ERGIC1: variants seen among roughly 807,000 people sequenced by gnomAD.
ERGIC1 encodes the protein endoplasmic reticulum-golgi intermediate compartment 1, also known as endoplasmic reticulum-Golgi intermediate compartment protein 1.
A neutral mutation model predicts 38.3 loss-of-function variants in ERGIC1; 19 were observed. The observed-to-expected ratio is 0.50, with a 90% CI of 0.35 to 0.73. The LOEUF (loss-of-function observed/expected upper bound fraction) is 0.73, where lower values mean the gene tolerates loss of function less well. Ranked by LOEUF, ERGIC1 falls within the 30% of genes least tolerant of loss-of-function variation. The pLI, the probability that ERGIC1 is intolerant of heterozygous loss-of-function variation, is 0.01. For missense variants in ERGIC1, 294 were observed against 389.2 expected, an observed-to-expected ratio of 0.76 and a Z score of 2.06; for synonymous variants, 124 against 157.6, an observed-to-expected ratio of 0.79 and a Z score of 1.60.
At chr5:172,878,521 G>A (rs895959417) in intron 1 of ERGIC1, among the ~76,000 whole-genome samples, 5 of 152,188 alleles carry the variant, frequency 3.3e-5, no homozygotes, top group Non-Finnish European at 7.3e-5. Flanking sequence ...GGCTTCGTGC[G>A]CAGTAAGCCC....
chr5:172,842,998 G>A (rs764900362), intron 1 of ERGIC1, among the ~76,000 whole-genome samples: 2 of 152,104 alleles, frequency 1.3e-5, no homozygotes. Context: ...ACAAAAATTA[G>A]CTGGGCATGG....
At chr5:172,861,166 G>A (rs1225032952) in intron 1 of ERGIC1, among the ~76,000 whole-genome samples, 1 of 152,198 alleles carries the variant, frequency 6.6e-6, no homozygotes. Context: ...CACCGCTGCT[G>A]CTGACACAGG....
At chr5:172,940,661 G>T (rs1763991440) in intron 9 of ERGIC1, among the ~76,000 whole-genome samples, 1 of 152,092 alleles carries the variant, frequency 6.6e-6, no homozygotes, top group Admixed American at 6.5e-5. Context: ...CCCTCCCATT[G>T]CGTGCTACTC....
At position 172,939,837 on chromosome 5, in the gene ERGIC1, A is replaced by G. The variant is rs552884741; in HGVS notation, c.765+4527A>G. ...AAAGGCCCTTGTCACAGGGCAGCAG[A>G]TGTGGGGATGACGCCAGCACTCAGA... On this transcript the variant is annotated intron_variant, in intron 9 of 9. Transcript: ENST00000393784. Among the ~76,000 whole-genome samples, 13 of 152,330 alleles carry G rather than the reference A, an allele frequency of 8.5e-5. No individual in the cohort carries two copies. In the East Asian group the frequency reaches 1.2e-3, roughly 14 times the overall value.
intron 1 of ERGIC1, among the ~76,000 whole-genome samples, chr5:172,879,926 G>T (rs962697210): frequency 6.6e-6 from 1 of 152,116 alleles, no homozygotes; most frequent in African/African-American, 2.4e-5. Context: ...ACCCAGCGAC[G>T]GCCCAAAAGA....
At chr5:172,859,599 G>C (rs1319127524) in intron 1 of ERGIC1, among the ~76,000 whole-genome samples, 1 of 152,250 alleles carries the variant, frequency 6.6e-6, no homozygotes, top group African/African-American at 2.4e-5. Flanking sequence ...GCTGCCGCAG[G>C]TGCCTGGTGC....
intron 1 of ERGIC1, among the ~76,000 whole-genome samples, chr5:172,858,052 T>C (rs1761599051): frequency 6.6e-6 from 1 of 152,178 alleles, no homozygotes; most frequent in Non-Finnish European, 1.5e-5. Flanking sequence ...GACATGTGAC[T>C]ATAAAGGAGA....
chr5:172,915,042 G>A, intron 5 of ERGIC1: 1 of 783,732 alleles, frequency 1.3e-6, no homozygotes. Flanking sequence ...AGCCCCTGAT[G>A]GCTGGTTCAG....
intron 2 of ERGIC1, among the ~76,000 whole-genome samples, chr5:172,894,132 CTTTTTTTT>C (rs781661227): frequency 1.9e-4 from 2 of 10,506 alleles, no homozygotes; most frequent in Admixed American, 1.1e-3. Context: ...GCTGATGATA[CTTTTTTTT>C]TTTTTTTTTT....
chr5:172,867,037 T>C lies in ERGIC1; in HGVS notation c.21-21662T>C, dbSNP rs1336134027. ...ATGGAGATGATGATGCAGATGGAGA[T>C]GATGCAGATGGAGATGATGCAGATG... is the stretch of plus-strand genomic sequence containing the variant. On this transcript the variant is annotated intron_variant, in intron 1 of 9. Transcript: ENST00000393784. The C allele has an allele frequency of 1.0e-5, 4 of 392,826 alleles. No homozygotes were observed. In the Admixed American group the frequency reaches 1.1e-4, roughly 11 times the overall value. 24.3% of individuals were successfully genotyped at this position (392,826 alleles called of 1,614,324 possible).
rs111226153 is a variant in ERGIC1 at position 172,865,346 on chromosome 5, G to A, written c.21-23353G>A. ...GCTGGGATTATAGGCGTGAGCCACC[G>A]CACCTGGCCTATAGAAAGAAATTCT... On this transcript the variant is annotated intron_variant, in intron 1 of 9. Coordinates refer to ENST00000393784, the MANE Select transcript of ERGIC1 (RefSeq NM_001031711.3). Among the ~76,000 whole-genome samples, 1,111 of 152,224 alleles carry A rather than the reference G, an allele frequency of 7.3e-3. 10 individuals are homozygous for A. Among genetic ancestry groups the A allele is most frequent in the African/African-American group, 0.025 (1,037 of 41,542 alleles).
intron 3 of ERGIC1, chr5:172,906,201 A>T: frequency 2.2e-6 from 1 of 455,608 alleles, no homozygotes; most frequent in Non-Finnish European, 4.4e-6. Context: ...CCCCTCTCCC[A>T]TCCTAAGGCT....
chr5:172,869,870 G>A (rs1219791810), intron 1 of ERGIC1, among the ~76,000 whole-genome samples: 2 of 152,280 alleles, frequency 1.3e-5, no homozygotes, highest in East Asian at 1.9e-4. Context: ...CCCAGAAAGT[G>A]TAGAGCAAAT....
chr5:172,913,134 A>G (rs1004857768), intron 4 of ERGIC1, among the ~76,000 whole-genome samples: 2 of 152,218 alleles, frequency 1.3e-5, no homozygotes, highest in African/African-American at 4.8e-5. Context: ...CACAGAGATT[A>G]GGTAACCTGC....
At chr5:172,848,217 T>G (rs1213413184) in intron 1 of ERGIC1, among the ~76,000 whole-genome samples, 1 of 152,200 alleles carries the variant, frequency 6.6e-6, no homozygotes, top group Non-Finnish European at 1.5e-5. Context: ...TTGGAGGGAT[T>G]CTGGGGGAAA....
intron 4 of ERGIC1, among the ~76,000 whole-genome samples, chr5:172,912,524 A>T (rs1484887460): frequency 2.0e-5 from 3 of 151,798 alleles, no homozygotes; most frequent in African/African-American, 7.3e-5. Flanking sequence ...AGTAGCTGGG[A>T]TTACAGGTGC....
chr5:172,860,978 G>T (rs563123345), intron 1 of ERGIC1, among the ~76,000 whole-genome samples: 24 of 152,130 alleles, frequency 1.6e-4, no homozygotes, highest in Non-Finnish European at 2.9e-4. Context: ...ACTGCCTGGG[G>T]TCACTCTGGG....
In ERGIC1 at chr5:172,944,224, G is replaced by A. The variant is rs1055712110; in HGVS notation, c.766-6485G>A. On this transcript the variant is annotated intron_variant, in intron 9 of 9. Transcript: ENST00000393784. ...TCAGTGACCCTGCTCCCTCATCCCC[G>A]ACGGGGAAGATCCCACCCTAGGTTG... Among the ~76,000 whole-genome samples, 8 of 152,188 alleles carry A rather than the reference G, an allele frequency of 5.3e-5. No individual in the cohort carries two copies. In the South Asian group the frequency reaches 6.2e-4, roughly 12 times the overall value.
intron 3 of ERGIC1, among the ~76,000 whole-genome samples, chr5:172,898,923 G>A (rs1318609949): frequency 6.6e-6 from 1 of 152,182 alleles, no homozygotes; most frequent in Non-Finnish European, 1.5e-5. Flanking sequence ...AGAGCTCGAA[G>A]CAGGGAGAGC....
Sources: allele counts gnomAD v4.1 joint callset (sites outside exome capture counted in the v4.1 genomes callset), GRCh38; gene constraint gnomAD v4.1.1; transcripts MANE v1.5; gene names NCBI Gene and HGNC (gene_info 2026-07-23, HGNC 2026-07-21).